ADGRL2: variants seen among roughly 807,000 people sequenced by gnomAD.
ADGRL2 encodes adhesion G protein-coupled receptor L2, also known as calcium-independent alpha-latrotoxin receptor 2.
In ADGRL2, 44 loss-of-function variants were observed where a neutral mutation model predicts 157.4. That is an observed-to-expected ratio of 0.28 (90% CI 0.22 to 0.36). The LOEUF is 0.36. Ranked by LOEUF, ADGRL2 falls within the 10% of genes least tolerant of loss-of-function variation. ADGRL2 has a pLI of 1.00. For synonymous variants in ADGRL2, 585 were observed against 624.7 expected, an observed-to-expected ratio of 0.94 and a Z score of 0.95; for missense variants, 1,510 against 1,768.9, an observed-to-expected ratio of 0.85 and a Z score of 2.63.
chr1:81,702,654 C>G (rs668237), intron 1 of ADGRL2, among the ~76,000 whole-genome samples: 56,856 of 151,884 alleles, frequency 0.37, 10,847 homozygotes, highest in Admixed American at 0.44. Flanking sequence ...AAAACAAAAA[C>G]AAAAACAAAT....
At chr1:81,669,874 C>T (rs148703961) in intron 3 of ADGRL2, among the ~76,000 whole-genome samples, 2,708 of 143,546 alleles carry the variant, frequency 0.019, 33 homozygotes, top group South Asian at 0.058. Context: ...ACCCGGGAGG[C>T]GGAGCTTGCA....
chr1:81,456,288 T>C (rs1207790184), intron 2 of ADGRL2, among the ~76,000 whole-genome samples: 4 of 152,156 alleles, frequency 2.6e-5, no homozygotes, highest in Non-Finnish European at 5.9e-5. Context: ...GACATTATCA[T>C]AGCTCATTGT....
chr1:81,775,092 A>G (rs1270874044), intron 2 of ADGRL2, among the ~76,000 whole-genome samples: 1 of 152,220 alleles, frequency 6.6e-6, no homozygotes, highest in East Asian at 1.9e-4. Context: ...GTAAGACCAC[A>G]AGTAAAAGAC....
At chr1:81,451,515 C>T (rs1004957617) in intron 2 of ADGRL2, among the ~76,000 whole-genome samples, 3 of 152,172 alleles carry the variant, frequency 2.0e-5, no homozygotes, top group South Asian at 2.1e-4. Flanking sequence ...ATTTTCACCA[C>T]ATGTGGTTGT....
At chr1:81,646,097 C>T (rs891938357) in intron 3 of ADGRL2, among the ~76,000 whole-genome samples, 2 of 152,146 alleles carry the variant, frequency 1.3e-5, no homozygotes, top group African/African-American at 4.8e-5. Flanking sequence ...CAGTGTCCTT[C>T]CCGACTCCCA....
intron 3 of ADGRL2, among the ~76,000 whole-genome samples, chr1:81,604,918 G>T (rs2081403195): frequency 6.6e-6 from 1 of 152,126 alleles, no homozygotes; most frequent in African/African-American, 2.4e-5. Flanking sequence ...CTTTGAGAAA[G>T]ATATTATGTT....
rs565248541 is a variant in ADGRL2, at chr1:81,417,670, C to A, written c.-301-27366C>A. Among the ~76,000 whole-genome samples the A allele has an allele frequency of 2.0e-5, 3 of 152,308 alleles. No individual in the cohort carries two copies. In the East Asian group the frequency reaches 5.8e-4, roughly 29 times the overall value. ...GTTGTATTAGGGTCCACCTTTCTTTCACAGAAACATTGGCTTGTTATTTCA... is the reference window on the plus strand; with the variant it reads ...GTTGTATTAGGGTCCACCTTTCTTTAACAGAAACATTGGCTTGTTATTTCA... On this transcript the variant is annotated intron_variant, in intron 1 of 24. Coordinates refer to the ADGRL2 transcript ENST00000370721.
At position 81,951,106 on chromosome 1, in the gene ADGRL2, T is replaced by A; in HGVS notation, c.1593T>A (p.Asn531Lys). The A allele has an allele frequency of 6.2e-7, 1 of 1,612,428 alleles. No individual in the cohort carries two copies. Among genetic ancestry groups the A allele is most frequent in the Non-Finnish European group, 8.5e-7 (1 of 1,178,616 alleles). The change falls in exon 8 of 24, where the codon AAT (asparagine) becomes AAA (lysine). Residue 531 changes from asparagine (N) to lysine (K), a missense_variant. Asn to Lys is a moderately conservative substitution (Grantham distance 94). Around this residue, in one of 4 missense-constraint regions of ADGRL2, gnomAD observed 325 missense variants for 333.2 expected, o/e 0.98. Coordinates refer to ENST00000686636, the MANE Select transcript of ADGRL2 (RefSeq NM_001366006.2). ...GCAACTGTACCTCACACTGGGTGAATCAGCTGGCTCAGAAGGTTGGTTGGA... is the reference window on the plus strand; with the variant it reads ...GCAACTGTACCTCACACTGGGTGAAACAGCTGGCTCAGAAGGTTGGTTGGA... ...DLSNCTSHWV[N>K]QLAQKIRSGE... is the part of the protein sequence containing the mutation.
intron 1 of ADGRL2, among the ~76,000 whole-genome samples, chr1:81,440,234 G>A (rs895225294): frequency 3.3e-5 from 5 of 152,286 alleles, no homozygotes; most frequent in African/African-American, 1.2e-4. Context: ...TGGCTTTCAG[G>A]CTTTAAACTG....
At chr1:81,860,552 G>A (rs1017500963) in intron 2 of ADGRL2, among the ~76,000 whole-genome samples, 3 of 152,078 alleles carry the variant, frequency 2.0e-5, no homozygotes, top group Non-Finnish European at 4.4e-5. Context: ...TATAATGTAT[G>A]AGTTCAGTCA....
At chr1:81,974,451 A>G (rs1659606397) in intron 17 of ADGRL2, among the ~76,000 whole-genome samples, 1 of 152,222 alleles carries the variant, frequency 6.6e-6, no homozygotes, top group South Asian at 2.1e-4. Flanking sequence ...AGTCTTCTTC[A>G]GAGAACACCT....
intron 1 of ADGRL2, among the ~76,000 whole-genome samples, chr1:81,398,627 C>T (rs562696292): frequency 1.3e-5 from 2 of 152,236 alleles, no homozygotes; most frequent in East Asian, 1.9e-4. Flanking sequence ...CTTTATTTAT[C>T]CCTCTTTCTG....
chr1:81,575,459 G>C (rs1395620823), intron 2 of ADGRL2, among the ~76,000 whole-genome samples: 1 of 143,398 alleles, frequency 7.0e-6, no homozygotes, highest in East Asian at 2.1e-4. Context: ...ATAAATCACT[G>C]TTAGCGGCAG....
intron 22 of ADGRL2, 85 bp downstream of exon 22, chr1:81,987,114 T>C: frequency 6.8e-7 from 1 of 1,477,902 alleles, no homozygotes; most frequent in East Asian, 2.3e-5. Flanking sequence ...ATATTCAAGT[T>C]GTCATATATT....
intron 4 of ADGRL2, among the ~76,000 whole-genome samples, chr1:81,941,039 C>T (rs670908): frequency 0.049 from 7,410 of 150,540 alleles, 509 homozygotes; most frequent in African/African-American, 0.15. Context: ...TCTGAATGCT[C>T]GGTATGATTG....
At chr1:81,906,145 A>T (rs773442163) in intron 2 of ADGRL2, among the ~76,000 whole-genome samples, 1 of 152,012 alleles carries the variant, frequency 6.6e-6, no homozygotes, top group Non-Finnish European at 1.5e-5. Flanking sequence ...TATACTATAA[A>T]CCTTGTTAGT....
chr1:81,599,722 GCTAAGTATTGCTCT>G (rs2081301359), intron 3 of ADGRL2, among the ~76,000 whole-genome samples: 1 of 152,142 alleles, frequency 6.6e-6, no homozygotes, highest in African/African-American at 2.4e-5. Context: ...CTATGAAGCA[GCTAAGTATTGCTCT>G]CTCCATTTTT....
intron 2 of ADGRL2, among the ~76,000 whole-genome samples, chr1:81,550,141 T>C (rs2080111223): frequency 6.6e-6 from 1 of 152,160 alleles, no homozygotes; most frequent in Non-Finnish European, 1.5e-5. Flanking sequence ...TAGGGTAGGA[T>C]AGCACAGATG....
chr1:81,676,578 GGC>G (rs1381296259), intron 3 of ADGRL2, among the ~76,000 whole-genome samples: 3 of 152,162 alleles, frequency 2.0e-5, no homozygotes, highest in African/African-American at 7.2e-5. Flanking sequence ...TGGTATTACA[GGC>G]GTGAGCCACC....
Sources: gnomAD v4.1 joint callset for allele counts (sites outside exome capture counted in the v4.1 genomes callset) on GRCh38, gnomAD v4.1.1 for gene constraint, gnomAD v4.1.1 regional missense constraint, MANE v1.5 for transcripts, NCBI Gene and HGNC (gene_info 2026-07-23, HGNC 2026-07-21) for gene names.